GGT7: variants seen among roughly 807,000 people sequenced by gnomAD.
The protein encoded by GGT7 is glutathione hydrolase 7.
GGT7 carries 30 observed loss-of-function variants against 69.2 expected under a neutral mutation model. The ratio of observed to expected loss-of-function variants is 0.43; its 90% CI spans 0.32 to 0.59. The LOEUF is 0.59. Among genes scored for constraint, GGT7 ranks in the 20% least tolerant of loss-of-function variants. The probability of loss-of-function intolerance (pLI) is 0.05; values close to 1 mark genes in which losing one functional copy is unlikely to be tolerated. For missense variants in GGT7, 733 were observed against 901.1 expected (o/e 0.81, Z 2.39); for synonymous variants, 388 against 391.8 (o/e 0.99, Z 0.12).
intron 14 of GGT7, among the ~76,000 whole-genome samples, chr20:34,846,227 T>G (rs2079302929): frequency 6.6e-6 from 1 of 152,114 alleles, no homozygotes; most frequent in South Asian, 2.1e-4. Context: ...GTCTCCCTGC[T>G]TCCAGCCCTC....
intron 4 of GGT7, 51 bp from the exon 5 acceptor site, chr20:34,860,372 G>C (rs776221009): frequency 2.1e-6 from 3 of 1,409,856 alleles, no homozygotes; most frequent in African/African-American, 2.8e-5. Context: ...CACTGGAAGG[G>C]GGGTGCTGGG....
Position 34,863,623 on chromosome 20 carries a change from GC to G in GGT7, c.170-76del, listed in dbSNP as rs1003061096. On this transcript the variant is annotated intron_variant, in intron 1 of 14. Coordinates refer to ENST00000336431, the MANE Select transcript of GGT7 (RefSeq NM_178026.3). This position sits in a 1 kb window ranked among gnomAD's most constrained non-coding sequence, Gnocchi z 4.4. ...CCCACCCTCCAGGTGGGACTATTCA[GC>G]GCTTTCCCTGCCCCGCCCCTGCCAC... The G allele has an allele frequency of 2.9e-5, 29 of 983,570 alleles. 1 individual carries two copies. The African/African-American group carries it at 3.8e-4, about 13-fold the overall frequency. 60.9% of individuals were successfully genotyped at this position (983,570 alleles called of 1,614,324 possible).
intron 1 of GGT7, among the ~76,000 whole-genome samples, chr20:34,870,313 C>T (rs1287723497): frequency 6.6e-6 from 1 of 152,188 alleles, no homozygotes; most frequent in African/African-American, 2.4e-5. Context: ...AGGGCAGAGC[C>T]TGTATTGAAC....
At chr20:34,862,396 G>GGC (rs1437240744) in intron 3 of GGT7, among the ~76,000 whole-genome samples, 3 of 152,238 alleles carry the variant, frequency 2.0e-5, no homozygotes, top group East Asian at 3.9e-4. Context: ...GCCCATGGGT[G>GGC]GCCAGCTTGT....
At chr20:34,854,645 G>A (rs757727356) in intron 9 of GGT7, 26 bp from the exon 10 acceptor site, 2 of 1,588,364 alleles carry the variant, frequency 1.3e-6, no homozygotes, top group South Asian at 2.2e-5. Context: ...GGATATGGAA[G>A]AGGCTGCCAG....
rs531960107 is a variant in GGT7 at position 34,863,800 on chromosome 20, A to C, written c.170-252T>G. 1 of 690,970 alleles carries C rather than the reference A, an allele frequency of 1.4e-6. No homozygotes were observed. Among genetic ancestry groups the C allele is most frequent in the South Asian group, 1.5e-5 (1 of 66,270 alleles). 42.8% of individuals were successfully genotyped at this position (690,970 alleles called of 1,614,324 possible). The stretch of plus-strand genomic sequence containing the variant: ...GGATTCCCGCCCCTCCCTGATACCT[A>C]GGCCAAATTTCCTGGCACCCAGGGC... On this transcript the variant is annotated intron_variant, in intron 1 of 14. Coordinates refer to ENST00000336431, the MANE Select transcript of GGT7 (RefSeq NM_178026.3). This position sits in a 1 kb window ranked among gnomAD's most constrained non-coding sequence, Gnocchi z 4.4.
chr20:34,854,215 GCGTGAGCCAC>G (rs1415890673), intron 10 of GGT7, among the ~76,000 whole-genome samples: 1 of 152,224 alleles, frequency 6.6e-6, no homozygotes, highest in East Asian at 1.9e-4. Context: ...GGGATTACAG[GCGTGAGCCAC>G]CGTGCCTGGC....
chr20:34,850,068 A>G lies in GGT7; in HGVS notation c.1726-8T>C, dbSNP rs750240150. 9.4e-6 allele frequency: 15 copies of G among 1,602,340 alleles called. No homozygotes were observed. Among genetic ancestry groups the G allele is most frequent in the Non-Finnish European group, 1.3e-5 (15 of 1,169,310 alleles). The stretch of plus-strand genomic sequence containing the variant: ...CAGGACATTCAGCAGAACCTGTGGT[A>G]GCCAAGGTACAGAAAAATCAGGGCT... On this transcript the variant is annotated splice_polypyrimidine_tract_variant and splice_region_variant and intron_variant, in intron 13 of 14. Coordinates refer to ENST00000336431, the MANE Select transcript of GGT7 (RefSeq NM_178026.3).
intron 13 of GGT7, among the ~76,000 whole-genome samples, chr20:34,850,511 C>G (rs932925314): frequency 6.6e-6 from 1 of 152,214 alleles, no homozygotes; most frequent in African/African-American, 2.4e-5. Flanking sequence ...CTTAACCTCT[C>G]TGGGCTTCGG....
intron 3 of GGT7, among the ~76,000 whole-genome samples, chr20:34,862,394 G>T (rs1018580046): frequency 6.6e-6 from 1 of 152,118 alleles, no homozygotes; most frequent in Non-Finnish European, 1.5e-5. Flanking sequence ...TTGCCCATGG[G>T]TGGCCAGCTT....
At position 34,863,264 on chromosome 20, in the gene GGT7, C is replaced by T; in HGVS notation, c.405+49G>A. 1.5e-6 allele frequency: 2 copies of T among 1,316,262 alleles called. No individual in the cohort carries two copies. The highest frequency in any genetic ancestry group is 2.1e-6 in the Non-Finnish European group (2 of 933,486). The allele number at this position is 1,316,262 out of a possible 1,614,324, so 81.5% of individuals were successfully genotyped here. A position where few individuals can be genotyped will look rare whatever the true frequency, so the allele number is the denominator to read the frequency against. On this transcript the variant is annotated intron_variant, in intron 2 of 14. Coordinates refer to ENST00000336431, the MANE Select transcript of GGT7 (RefSeq NM_178026.3). The surrounding 1 kb of genome is among the most constrained non-coding windows in gnomAD (Gnocchi z 4.4). ...TTTCCACAGTTCCTCAAACATTACCCCACTCCCCACTCCCCAGTTTCCTCC... is the reference window on the plus strand; with the variant it reads ...TTTCCACAGTTCCTCAAACATTACCTCACTCCCCACTCCCCAGTTTCCTCC...
Position 34,861,564 on chromosome 20 carries a change from T to C in GGT7, c.558-2A>G. 6.9e-7 allele frequency: 1 copy of C among 1,456,018 alleles called. No individual in the cohort carries two copies. The highest frequency in any genetic ancestry group is 9.2e-7 in the Non-Finnish European group (1 of 1,082,678). 90.2% of individuals were successfully genotyped at this position (1,456,018 alleles called of 1,614,324 possible). A position where few individuals can be genotyped will look rare whatever the true frequency, so the allele number is the denominator to read the frequency against. ...TCATGTACCAGCATCACGCCCCCAC[T>C]GGGAGAGACACAGAAGGGGAAGTGT... On this transcript the variant is annotated splice_acceptor_variant, in intron 3 of 14. Coordinates refer to ENST00000336431, the MANE Select transcript of GGT7 (RefSeq NM_178026.3). LOFTEE classifies it high-confidence loss of function.
intron 10 of GGT7, among the ~76,000 whole-genome samples, chr20:34,853,895 G>A (rs1234804184): frequency 6.6e-6 from 1 of 152,184 alleles, no homozygotes; most frequent in African/African-American, 2.4e-5. Context: ...TGTTGCTAAT[G>A]AAGCTGTATT....
At chr20:34,848,018 A>T (rs1215473543) in intron 14 of GGT7, among the ~76,000 whole-genome samples, 2 of 152,202 alleles carry the variant, frequency 1.3e-5, no homozygotes. Context: ...ACTTGAACCC[A>T]GGAGGTGGAG....
intron 1 of GGT7, among the ~76,000 whole-genome samples, chr20:34,869,510 C>A (rs2079746620): frequency 6.6e-6 from 1 of 152,090 alleles, no homozygotes; most frequent in South Asian, 2.1e-4. Flanking sequence ...GTGACATGAC[C>A]AGAAGCGATG....
At chr20:34,851,790 C>T (rs1315663591) in intron 12 of GGT7, among the ~76,000 whole-genome samples, 1 of 152,180 alleles carries the variant, frequency 6.6e-6, no homozygotes, top group Admixed American at 6.5e-5. Context: ...TCTTTGGTGC[C>T]CAACCATAGG....
At position 34,872,757 on chromosome 20, in the gene GGT7, T is replaced by C; in HGVS notation, c.59A>G (p.Asp20Gly). Residue 20 changes from aspartate to glycine, a missense_variant, in exon 1 of 15, where the codon GAC becomes GGC. Asp to Gly is a moderately conservative substitution (Grantham distance 94). Coordinates refer to ENST00000336431, the MANE Select transcript of GGT7 (RefSeq NM_178026.3). Reference sequence around the variant, plus strand: ...CGGGAAGCTGGTGATGCTCATGTAGTCCACTGGCGAGTAGGCGCCCAGGGC... The same window carrying C: ...CGGGAAGCTGGTGATGCTCATGTAGCCCACTGGCGAGTAGGCGCCCAGGGC... ...ESALGAYSPV[D>G]YMSITSFPRL... 6.8e-7 allele frequency: 1 copy of C among 1,470,700 alleles called. No homozygotes were observed. Among genetic ancestry groups the C allele is most frequent in the Non-Finnish European group, 9.0e-7 (1 of 1,110,772 alleles). 91.1% of individuals were successfully genotyped at this position (1,470,700 alleles called of 1,614,324 possible).
intron 8 of GGT7, 47 bp from the exon 9 acceptor site, chr20:34,854,970 C>T: frequency 6.3e-7 from 1 of 1,593,454 alleles, no homozygotes; most frequent in Non-Finnish European, 8.6e-7. Context: ...GTCAAGGCAC[C>T]TTCACATCCC....
Position 34,859,637 on chromosome 20 carries a change from G to A in GGT7, c.820C>T (p.Arg274Cys), listed in dbSNP as rs758809766. Residue 274 changes from arginine (R) to cysteine (C), a missense_variant and splice_region_variant, in exon 7 of 15, where the codon CGT (arginine) becomes TGT (cysteine). Arg to Cys is a radical substitution (Grantham distance 180). Transcript: ENST00000336431. ...DGFNVTHDLA[R>C]ALAEQLPPNM... is the part of the protein sequence containing the mutation. ...GGTGGCAGCTGTTCAGCCAGGGCAC[G>A]GGCTAGGGGCAGGGACGGGAGGCTG... is the stretch of plus-strand genomic sequence containing the variant. 5.7e-6 allele frequency: 9 copies of A among 1,590,092 alleles called. No homozygotes were observed. The highest frequency in any genetic ancestry group is 1.1e-5 in the South Asian group (1 of 88,526).
Sources: gnomAD v4.1 joint callset for allele counts (sites outside exome capture counted in the v4.1 genomes callset) on GRCh38, gnomAD v4.1.1 for gene constraint, Gnocchi (gnomAD v3.1) non-coding constraint, MANE v1.5 for transcripts, NCBI Gene and HGNC (gene_info 2026-07-23, HGNC 2026-07-21) for gene names.